Variants in CALD1 observed in about 807,000 individuals in gnomAD.
The protein encoded by CALD1 is caldesmon 1.
CALD1 carries 33 observed loss-of-function variants against 99.9 expected under a neutral mutation model. The observed-to-expected ratio is 0.33, with a 90% CI of 0.25 to 0.44. The LOEUF (loss-of-function observed/expected upper bound fraction) is 0.44, where lower values mean the gene tolerates loss of function less well. Ranked by LOEUF, CALD1 falls within the 20% of genes least tolerant of loss-of-function variation. The pLI, the probability that CALD1 is intolerant of heterozygous loss-of-function variation, is 1.00. For synonymous variants in CALD1, 310 were observed against 325.0 expected, an observed-to-expected ratio of 0.95 and a Z score of 0.50; for missense variants, 861 against 962.1, an observed-to-expected ratio of 0.89 and a Z score of 1.39.
chr7:134,806,934 C>G (rs1447473452), intron 1 of CALD1, among the ~76,000 whole-genome samples: 2 of 152,110 alleles, frequency 1.3e-5, no homozygotes, highest in Non-Finnish European at 1.5e-5. Flanking sequence ...TCTTAATAAC[C>G]ATTGCCATCA....
chr7:134,756,221 T>A (rs12667988), intron 1 of CALD1, among the ~76,000 whole-genome samples: 6 of 143,872 alleles, frequency 4.2e-5, no homozygotes, highest in East Asian at 2.0e-4. Context: ...TCAGTGAGCC[T>A]AAATCGCACC....
chr7:134,722,794 T>C, the CALD1 span, among the ~76,000 whole-genome samples: 1 of 152,160 alleles, frequency 6.6e-6, no homozygotes, highest in Non-Finnish European at 1.5e-5. Context: ...CTGCTATCCT[T>C]TTACTTCCAT....
chr7:134,786,953 T>C (rs999104259), intron 1 of CALD1, among the ~76,000 whole-genome samples: 1 of 152,160 alleles, frequency 6.6e-6, no homozygotes, highest in Non-Finnish European at 1.5e-5. Flanking sequence ...TCTGATTCGG[T>C]AGGTCTAGAA....
At chr7:134,785,682 G>C (rs1797277236) in intron 1 of CALD1, among the ~76,000 whole-genome samples, 1 of 152,204 alleles carries the variant, frequency 6.6e-6, no homozygotes, top group Non-Finnish European at 1.5e-5. Flanking sequence ...GAAAGGCATG[G>C]ATACATATGC....
chr7:134,818,858 G>A (rs1232057688), intron 1 of CALD1, among the ~76,000 whole-genome samples: 5 of 152,108 alleles, frequency 3.3e-5, no homozygotes, highest in African/African-American at 1.2e-4. Flanking sequence ...TGGAAACCAA[G>A]CAGTCAACCA....
chr7:134,893,504 G>A (rs73151958), intron 3 of CALD1, among the ~76,000 whole-genome samples: 4,073 of 152,238 alleles, frequency 0.027, 86 homozygotes, highest in Middle Eastern at 0.058. Flanking sequence ...AAAACTATAG[G>A]AGTACCTGAT....
intron 1 of CALD1, among the ~76,000 whole-genome samples, chr7:134,825,792 G>T (rs1798964416): frequency 2.0e-5 from 3 of 152,028 alleles, no homozygotes; most frequent in Admixed American, 6.6e-5. Context: ...TCAATTTTTA[G>T]ACCCAGGGGT....
chr7:134,958,630 T>G (rs1283457630), intron 11 of CALD1, among the ~76,000 whole-genome samples: 1 of 151,624 alleles, frequency 6.6e-6, no homozygotes, highest in Non-Finnish European at 1.5e-5. Context: ...GGTCTCGAAT[T>G]CCTGACCTCA....
intron 1 of CALD1, among the ~76,000 whole-genome samples, chr7:134,835,384 G>C (rs1333746536): frequency 2.0e-5 from 3 of 152,172 alleles, no homozygotes; most frequent in African/African-American, 7.2e-5. Context: ...ACGTGGGAAA[G>C]AGGAACAGGA....
At chr7:134,758,632 G>A (rs981656955) in intron 1 of CALD1, among the ~76,000 whole-genome samples, 7 of 151,940 alleles carry the variant, frequency 4.6e-5, no homozygotes, top group Non-Finnish European at 7.4e-5. Context: ...GCTCCCTGTG[G>A]AATTCTGGCT....
At position 134,910,633 on chromosome 7, in the gene CALD1, G is replaced by A. The variant is rs184938291; in HGVS notation, c.72-18121G>A. On this transcript the variant is annotated intron_variant, in intron 3 of 14. Coordinates refer to ENST00000361675, the MANE Select transcript of CALD1 (RefSeq NM_033138.4). ...CAATCACATGACAATAAAAAAGACT[G>A]ATGGCACATGCACACACGTACACAC... is the stretch of plus-strand genomic sequence containing the variant. Among the ~76,000 whole-genome samples the A allele has an allele frequency of 2.1e-3, 313 of 152,042 alleles. 2 individuals are homozygous for A. Among genetic ancestry groups the A allele is most frequent in the Non-Finnish European group, 3.8e-3 (256 of 67,954 alleles).
the CALD1 span, among the ~76,000 whole-genome samples, chr7:134,717,272 G>T: frequency 6.6e-6 from 1 of 152,118 alleles, no homozygotes; most frequent in African/African-American, 2.4e-5. Context: ...TATGTGTTTT[G>T]ACAAATGTAT....
intron 1 of CALD1, among the ~76,000 whole-genome samples, chr7:134,764,689 C>A (rs1796810139): frequency 6.6e-6 from 1 of 152,068 alleles, no homozygotes; most frequent in Non-Finnish European, 1.5e-5. Context: ...GACCTCACTT[C>A]TTGGATTGTA....
rs577062522 is a variant in CALD1, at chr7:134,891,722, T to A, written c.71+23918T>A. On this transcript the variant is annotated intron_variant, in intron 3 of 14. Transcript: ENST00000361675. Reference sequence around the variant, plus strand: ...GGTTTTTTCCTTTCTTTTTTTTTTTTATAAAAAACAAACGAATTGTTGTAA... The same window carrying A: ...GGTTTTTTCCTTTCTTTTTTTTTTTAATAAAAAACAAACGAATTGTTGTAA... 2.4e-4 allele frequency: 275 copies of A among 1,149,540 alleles called. No individual in the cohort carries two copies. The African/African-American group carries it at 2.6e-3, about 11-fold the overall frequency. The allele number at this position is 1,149,540 out of a possible 1,614,324, so 71.2% of individuals were successfully genotyped here. A position where few individuals can be genotyped will look rare whatever the true frequency, so the allele number is the denominator to read the frequency against.
In CALD1 at chr7:134,770,729, A is replaced by G. The variant is rs141557604; in HGVS notation, c.-130+26366A>G. On this transcript the variant is annotated intron_variant, in intron 1 of 13. Transcript: ENST00000417172. ...AGGTCCTATATGTTTGGATGAACAT[A>G]TTGTCAGGGGGCACTGCTCAACCCA... is the stretch of plus-strand genomic sequence containing the variant. Among the ~76,000 whole-genome samples the G allele has an allele frequency of 2.6e-5, 4 of 152,294 alleles. No homozygotes were observed. In the East Asian group the frequency reaches 7.7e-4, roughly 29 times the overall value.
chr7:134,841,369 C>A (rs10239750), intron 1 of CALD1, among the ~76,000 whole-genome samples: 43 of 152,124 alleles, frequency 2.8e-4, no homozygotes, highest in African/African-American at 1.0e-3. Flanking sequence ...TAACTAAAAC[C>A]CATCGATCTA....
intron 1 of CALD1, among the ~76,000 whole-genome samples, chr7:134,832,304 A>T (rs1457771174): frequency 6.6e-6 from 1 of 152,158 alleles, no homozygotes; most frequent in Admixed American, 6.5e-5. Context: ...GGCTGCTGTG[A>T]ATTATCATTT....
chr7:134,779,973 G>A (rs1050668623), intron 1 of CALD1, among the ~76,000 whole-genome samples: 2 of 152,158 alleles, frequency 1.3e-5, no homozygotes, highest in African/African-American at 4.8e-5. Context: ...GGGACAAGAA[G>A]AGTGACCATA....
At chr7:134,891,554 C>T in intron 3 of CALD1, 2 of 1,561,020 alleles carry the variant, frequency 1.3e-6, no homozygotes. Flanking sequence ...CCAGCCCACG[C>T]CCTGACCGCC....
Sources: allele counts gnomAD v4.1 joint callset (sites outside exome capture counted in the v4.1 genomes callset), GRCh38; gene constraint gnomAD v4.1.1; transcripts MANE v1.5; gene names NCBI Gene and HGNC (gene_info 2026-07-23, HGNC 2026-07-21).